The following SMS variants were observed in gnomAD, a reference collection of about 807,000 sequenced individuals.
SMS encodes spermidine aminopropyltransferase.
In SMS, 3 loss-of-function variants were observed where a neutral mutation model predicts 33.0. The ratio of observed to expected loss-of-function variants is 0.09; its 90% CI spans 0.04 to 0.23. The LOEUF is 0.23. Ranked by LOEUF, SMS falls within the 10% of genes least tolerant of loss-of-function variation. The pLI is 1.00. For missense variants in SMS, 117 were observed against 288.6 expected (o/e 0.41, Z 4.31); for synonymous variants, 103 against 112.2 (o/e 0.92, Z 0.52).
chrX:21,961,253 C>A (rs1228696515), intron 1 of SMS, among the ~76,000 whole-genome samples: 1 of 109,513 alleles, frequency 9.1e-6, no homozygotes, highest in Non-Finnish European at 1.9e-5. Context: ...AGTAGTGTTT[C>A]TACTTTATGA....
chrX:21,994,479 T>G lies in SMS; in HGVS notation c.*128T>G. 2.7e-6 allele frequency: 3 copies of G among 1,094,272 alleles called. No homozygotes were observed. The Admixed American group carries it at 1.1e-4, about 39-fold the overall frequency. The allele number at this position is 1,094,272 out of a possible 1,213,427, so 90.2% of individuals were successfully genotyped here. A position where few individuals can be genotyped will look rare whatever the true frequency, so the allele number is the denominator to read the frequency against. Reference sequence around the variant, plus strand: ...AAAGTTTTCCTTTTTTTAATAATTATTTTTAATTTAAAAAAGCAAATGGAA... The same window carrying G: ...AAAGTTTTCCTTTTTTTAATAATTAGTTTTAATTTAAAAAAGCAAATGGAA... On this transcript the variant is annotated 3_prime_UTR_variant, in exon 11 of 11. Transcript: ENST00000404933.
At chrX:21,963,395 G>C (rs1489459418) in intron 1 of SMS, among the ~76,000 whole-genome samples, 1 of 112,472 alleles carries the variant, frequency 8.9e-6, no homozygotes, top group Non-Finnish European at 1.9e-5. Flanking sequence ...CAAATGAATA[G>C]GGCTTGTGGG....
chrX:21,975,177 G>A (rs1924454768), intron 4 of SMS, among the ~76,000 whole-genome samples: 1 of 111,232 alleles, frequency 9.0e-6, no homozygotes, highest in Non-Finnish European at 1.9e-5. Flanking sequence ...CAGCAGTGAA[G>A]GTTGAAACGA....
At chrX:21,978,443 C>CG (rs2146948059) in intron 6 of SMS, among the ~76,000 whole-genome samples, 1 of 111,238 alleles carries the variant, frequency 9.0e-6, no homozygotes, top group African/African-American at 3.3e-5. Flanking sequence ...GGCATGGTGG[C>CG]GGGCACCTGT....
chrX:21,983,636 G>A (rs1925131797), intron 7 of SMS, among the ~76,000 whole-genome samples: 1 of 111,560 alleles, frequency 9.0e-6, no homozygotes, highest in Non-Finnish European at 1.9e-5. Context: ...AGTAGCCCAA[G>A]CGTTAGAGAA....
chrX:21,967,481 T>G (rs1923819454), intron 2 of SMS, among the ~76,000 whole-genome samples, 165 bp downstream of exon 2: 1 of 111,199 alleles, frequency 9.0e-6, no homozygotes, highest in Admixed American at 9.6e-5. Context: ...CATCAGAATC[T>G]CCTGGTAGCG....
At chrX:21,944,281 C>T (rs1370115330) in intron 1 of SMS, among the ~76,000 whole-genome samples, 2 of 111,244 alleles carry the variant, frequency 1.8e-5, no homozygotes, top group East Asian at 5.6e-4. Flanking sequence ...TGTGACTTAG[C>T]CTGAGGCTAA....
At chrX:21,984,182 C>T in intron 7 of SMS, 122 bp from the exon 8 acceptor site, 1 of 546,599 alleles carries the variant, frequency 1.8e-6, no homozygotes, top group Non-Finnish European at 3.3e-6. Flanking sequence ...GTAGCAGTTG[C>T]TGTGGATAGC....
rs1394834572 is a variant in SMS at position 21,971,905 on chromosome X, A to G, written c.179A>G (p.Asn60Ser). ...TATATTTTCCTTTGTAGCTTTGCCA[A>G]TTTGAGAATTTACCCACATGGATTG... ...TYTNKNGSFA[N>S]LRIYPHGLVL... The change falls in exon 3 of 11, where the codon AAT becomes AGT. Residue 60 changes from asparagine to serine, a missense_variant. Transcript: ENST00000404933. The G allele has an allele frequency of 1.1e-5, 13 of 1,185,381 alleles. No homozygotes were observed. Among genetic ancestry groups the G allele is most frequent in the South Asian group, 5.3e-5 (3 of 56,154 alleles).
chrX:21,972,489 T>C lies in SMS; in HGVS notation c.265-18T>C. 1 of 1,108,684 alleles carries C rather than the reference T, an allele frequency of 9.0e-7. No homozygotes were observed. Among genetic ancestry groups the C allele is most frequent in the Non-Finnish European group, 1.2e-6 (1 of 802,024 alleles). 91.4% of individuals were successfully genotyped at this position (1,108,684 alleles called of 1,213,427 possible). A position where few individuals can be genotyped will look rare whatever the true frequency, so the allele number is the denominator to read the frequency against. On this transcript the variant is annotated intron_variant, in intron 3 of 10. Transcript: ENST00000404933. ...GCAGCTTATTCTACAAGCCCATTGA[T>C]TTTTCTTTTAATTGTAGATTTTGAA...
At position 21,986,036 on chromosome X, in the gene SMS, A is replaced by G. The variant is rs934944620; in HGVS notation, c.945+813A>G. 1.5e-4 allele frequency among the ~76,000 whole-genome samples: 17 copies of G among 110,412 alleles called. No individual in the cohort carries two copies. In the Admixed American group the frequency reaches 1.7e-3, roughly 11 times the overall value. ...ACCTTGACTCAAAAATAAACACAGT[A>G]TTAGTATACTGTATTTAAAAGTCAG... On this transcript the variant is annotated intron_variant, in intron 9 of 10. Transcript: ENST00000404933.
intron 9 of SMS, among the ~76,000 whole-genome samples, chrX:21,987,269 T>C (rs1302132225): frequency 8.9e-6 from 1 of 112,324 alleles, no homozygotes; most frequent in African/African-American, 3.2e-5. Flanking sequence ...AGTGCTGGGA[T>C]TACAGGCGCG....
intron 9 of SMS, among the ~76,000 whole-genome samples, chrX:21,986,926 A>G (rs1192413929): frequency 9.0e-6 from 1 of 111,129 alleles, no homozygotes; most frequent in Non-Finnish European, 1.9e-5. Context: ...TCCCTGTCTT[A>G]TAGGAAACCA....
chrX:21,976,912 A>G (rs1276652949), intron 4 of SMS, 149 bp from the exon 5 acceptor site: 1 of 543,876 alleles, frequency 1.8e-6, no homozygotes, highest in East Asian at 3.4e-5. Flanking sequence ...GGCCGTGATT[A>G]TATAAAACTA....
chrX:21,959,990 G>A (rs1343675190), intron 1 of SMS: 5 of 704,561 alleles, frequency 7.1e-6, no homozygotes, highest in Non-Finnish European at 6.7e-6. Flanking sequence ...GTGGCAAGTG[G>A]TAAGCATGGG....
intron 7 of SMS, among the ~76,000 whole-genome samples, chrX:21,980,429 A>ATAT (rs1556001657): frequency 1.3e-3 from 81 of 63,035 alleles, no homozygotes; most frequent in African/African-American, 3.4e-3. Context: ...AAAAAAAAAA[A>ATAT]ATATATATAT....
chrX:21,952,131 G>T (rs763036496), intron 1 of SMS, among the ~76,000 whole-genome samples: 1 of 111,917 alleles, frequency 8.9e-6, no homozygotes, highest in Non-Finnish European at 1.9e-5. Context: ...GCCTTACTGT[G>T]CTGGCTATAC....
At chrX:21,975,842 T>G (rs937035420) in intron 4 of SMS, among the ~76,000 whole-genome samples, 1 of 110,671 alleles carries the variant, frequency 9.0e-6, no homozygotes. Flanking sequence ...GTTTAGACTG[T>G]ACTCTTGGAA....
chrX:21,941,589 C>T (rs1167295879), intron 1 of SMS, among the ~76,000 whole-genome samples: 2 of 110,668 alleles, frequency 1.8e-5, no homozygotes, highest in African/African-American at 6.6e-5. Context: ...AATCGGGGAG[C>T]TATCAAAAGA....
Sources: allele counts gnomAD v4.1 joint callset (sites outside exome capture counted in the v4.1 genomes callset), GRCh38; gene constraint gnomAD v4.1.1; transcripts MANE v1.5; gene names NCBI Gene and HGNC (gene_info 2026-07-23, HGNC 2026-07-21).